RCAN2: variants seen among roughly 807,000 people sequenced by gnomAD.
RCAN2 encodes regulator of calcineurin 2, also known as calcipressin-2.
A neutral mutation model predicts 23.6 loss-of-function variants in RCAN2; 9 were observed. The observed-to-expected ratio is 0.38, with a 90% CI of 0.23 to 0.67. RCAN2 has a LOEUF of 0.67. RCAN2 is among the 30% of genes least tolerant of loss of function. The pLI is 0.51. For synonymous variants in RCAN2, 109 were observed against 115.7 expected (o/e 0.94, Z 0.37); for missense variants, 273 against 302.3 (o/e 0.90, Z 0.72).
At chr6:46,323,670 TTC>T (rs1763692374) in intron 2 of RCAN2, among the ~76,000 whole-genome samples, 1 of 152,198 alleles carries the variant, frequency 6.6e-6, no homozygotes, top group Non-Finnish European at 1.5e-5. Flanking sequence ...AGTATCATTT[TTC>T]CATAAAACCA....
intron 2 of RCAN2, among the ~76,000 whole-genome samples, chr6:46,336,324 A>T (rs1055183441): frequency 2.0e-5 from 3 of 152,252 alleles, no homozygotes; most frequent in African/African-American, 7.2e-5. Context: ...GTTTTCAGAG[A>T]CAGCAAGGCA....
intron 2 of RCAN2, among the ~76,000 whole-genome samples, chr6:46,346,460 A>C (rs947251062): frequency 6.6e-6 from 1 of 152,180 alleles, no homozygotes; most frequent in Admixed American, 6.5e-5. Context: ...ATAAATCAAT[A>C]TCAGTATAAA....
intron 1 of RCAN2, among the ~76,000 whole-genome samples, chr6:46,477,421 G>A (rs139316115): frequency 6.6e-6 from 1 of 152,282 alleles, no homozygotes; most frequent in Admixed American, 6.5e-5. Flanking sequence ...CAGATGTTGT[G>A]TGCTGATGCC....
chr6:46,403,122 A>G (rs910042466), intron 2 of RCAN2, among the ~76,000 whole-genome samples: 1 of 151,604 alleles, frequency 6.6e-6, no homozygotes, highest in African/African-American at 2.4e-5. Flanking sequence ...CCGCCACCAC[A>G]CCCAGCTAAT....
intron 2 of RCAN2, among the ~76,000 whole-genome samples, chr6:46,407,990 T>C (rs146514892): frequency 6.4e-4 from 98 of 152,332 alleles, no homozygotes; most frequent in African/African-American, 2.2e-3. Flanking sequence ...AAACAGCAGC[T>C]TTGATTTTTC....
intron 2 of RCAN2, among the ~76,000 whole-genome samples, chr6:46,394,149 G>A (rs73453095): frequency 0.049 from 7,453 of 152,186 alleles, 354 homozygotes; most frequent in South Asian, 0.13. Flanking sequence ...TCTAACTACA[G>A]CTAATGCTTC....
In RCAN2 at chr6:46,488,988, G is replaced by T. The variant is rs149933956; in HGVS notation, c.-3+2185C>A. On this transcript the variant is annotated intron_variant, in intron 1 of 4. Coordinates refer to ENST00000371374, the MANE Select transcript of RCAN2 (RefSeq NM_001251974.2). ...CACTTTTGCAAAATGTAAGTTAGAT[G>T]AAATCATTCCTACCATTAAGGGCCA... Among the ~76,000 whole-genome samples the T allele has an allele frequency of 9.4e-3, 1,432 of 152,274 alleles. 15 individuals carry two copies. The highest frequency in any genetic ancestry group is 0.024 in the Middle Eastern group (7 of 294).
intron 2 of RCAN2, among the ~76,000 whole-genome samples, chr6:46,284,294 G>A (rs1466598441): frequency 6.6e-6 from 1 of 152,064 alleles, no homozygotes; most frequent in Non-Finnish European, 1.5e-5. Flanking sequence ...GGCAGAGTGG[G>A]CATCACTATT....
At chr6:46,280,477 CCACA>C (rs142122139) in intron 2 of RCAN2, among the ~76,000 whole-genome samples, 2 of 149,554 alleles carry the variant, frequency 1.3e-5, no homozygotes, top group African/African-American at 4.9e-5. Flanking sequence ...GATTAGAAGA[CCACA>C]CACACACACA....
intron 1 of RCAN2, among the ~76,000 whole-genome samples, chr6:46,466,462 A>G (rs1038340516): frequency 2.6e-5 from 4 of 152,168 alleles, no homozygotes; most frequent in South Asian, 2.1e-4. Context: ...TAGAAGTCCA[A>G]GGAGGCAGGT....
chr6:46,228,008 G>A (rs9472721), intron 4 of RCAN2, among the ~76,000 whole-genome samples: 48,550 of 152,024 alleles, frequency 0.32, 10,895 homozygotes, highest in African/African-American at 0.64. Context: ...GAACATCTTT[G>A]TTTCTGCCTT....
At chr6:46,353,906 A>G (rs1051436075) in intron 2 of RCAN2, among the ~76,000 whole-genome samples, 2 of 152,198 alleles carry the variant, frequency 1.3e-5, no homozygotes, top group South Asian at 4.1e-4. Context: ...TGCATGCATA[A>G]ATGACATTTT....
chr6:46,424,431 A>G (rs568486880), intron 2 of RCAN2, among the ~76,000 whole-genome samples: 2 of 152,112 alleles, frequency 1.3e-5, no homozygotes, highest in African/African-American at 4.8e-5. Flanking sequence ...AGGGCATAAA[A>G]CAAGCCAGAA....
chr6:46,285,732 T>C (rs554507794), intron 2 of RCAN2, among the ~76,000 whole-genome samples: 4 of 152,300 alleles, frequency 2.6e-5, no homozygotes, highest in Non-Finnish European at 5.9e-5. Context: ...TTTAAAAGAG[T>C]TTTTATTCTT....
In RCAN2 at chr6:46,247,789, T is replaced by C. The variant is rs374759159; in HGVS notation, c.400-870A>G. Among the ~76,000 whole-genome samples, 39 of 152,348 alleles carry C rather than the reference T, an allele frequency of 2.6e-4. No homozygotes were observed. In the East Asian group the frequency reaches 7.3e-3, roughly 29 times the overall value. On this transcript the variant is annotated intron_variant, in intron 3 of 4. Transcript: ENST00000371374. ...TGAATGGTTTCCACCTTTTGTCTAT[T>C]GTGAATAGTGCTGTTGTGAACGTGT...
chr6:46,335,798 G>A (rs1764121544), intron 2 of RCAN2, among the ~76,000 whole-genome samples: 1 of 152,146 alleles, frequency 6.6e-6, no homozygotes, highest in Non-Finnish European at 1.5e-5. Context: ...CCTCTGTTTA[G>A]AATGTCATAT....
chr6:46,452,619 T>C (rs1479227226), intron 2 of RCAN2, among the ~76,000 whole-genome samples: 1 of 152,134 alleles, frequency 6.6e-6, no homozygotes, highest in Non-Finnish European at 1.5e-5. Context: ...AAACAGCCAG[T>C]AGGGTCCAGG....
intron 2 of RCAN2, among the ~76,000 whole-genome samples, chr6:46,360,365 T>C (rs1196743274): frequency 6.6e-6 from 1 of 151,678 alleles, no homozygotes; most frequent in Non-Finnish European, 1.5e-5. Context: ...ATCCCATCTC[T>C]ACTAAAAATA....
chr6:46,472,090 G>A (rs1030377634), intron 1 of RCAN2, among the ~76,000 whole-genome samples: 3 of 152,154 alleles, frequency 2.0e-5, no homozygotes, highest in Non-Finnish European at 2.9e-5. Flanking sequence ...AATCTTGCTT[G>A]TATTCCAACC....
Sources: gnomAD v4.1 joint callset for allele counts (sites outside exome capture counted in the v4.1 genomes callset) on GRCh38, gnomAD v4.1.1 for gene constraint, MANE v1.5 for transcripts, NCBI Gene and HGNC (gene_info 2026-07-23, HGNC 2026-07-21) for gene names.